PDE5A: variants seen among roughly 807,000 people sequenced by gnomAD.
The protein encoded by PDE5A is cGMP-specific 3',5'-cyclic phosphodiesterase.
In PDE5A, 67 loss-of-function variants were observed where a neutral mutation model predicts 110.2. The ratio of observed to expected loss-of-function variants is 0.61; its 90% confidence interval spans 0.50 to 0.75. The LOEUF (loss-of-function observed/expected upper bound fraction) is 0.75, where lower values mean the gene tolerates loss of function less well. Ranked by LOEUF, PDE5A falls within the 30% of genes least tolerant of loss-of-function variation. PDE5A has a pLI of 0.00. For synonymous variants in PDE5A, 328 were observed against 351.2 expected (o/e 0.93, Z 0.74); for missense variants, 862 against 1,045.1 (o/e 0.82, Z 2.42).
At position 119,627,060 on chromosome 4, in the gene PDE5A, T is replaced by C. The variant is rs2110572920; in HGVS notation, c.152+1460A>G. On this transcript the variant is annotated intron_variant, in intron 1 of 20. Transcript: ENST00000354960. This position sits in a 1 kb window ranked among gnomAD's most constrained non-coding sequence, Gnocchi z 4.6. The stretch of plus-strand genomic sequence containing the variant: ...TTTCAATGATACATCGTCCCACTGG[T>C]GCCACCGGGGCGCCACCACCCAGCA... 2.8e-6 allele frequency: 4 copies of C among 1,450,930 alleles called. No homozygotes were observed. Among genetic ancestry groups the C allele is most frequent in the East Asian group, 2.4e-5 (1 of 42,232 alleles). 89.9% of individuals were successfully genotyped at this position (1,450,930 alleles called of 1,614,324 possible).
chr4:119,594,445 C>T (rs759244629), intron 3 of PDE5A, among the ~76,000 whole-genome samples: 1 of 151,246 alleles, frequency 6.6e-6, no homozygotes, highest in Non-Finnish European at 1.5e-5. Context: ...TGCACGGAAT[C>T]TTAGTCTGTG....
rs749383969 is a variant in PDE5A, at chr4:119,553,731, G to C, written c.1215C>G (p.Asn405Lys). Residue 405 changes from asparagine (N) to lysine (K), a missense_variant, in exon 8 of 21, where the codon AAC (asparagine) becomes AAG (lysine). Coordinates refer to ENST00000354960, the MANE Select transcript of PDE5A (RefSeq NM_001083.4). Reference protein sequence around the residue: ...SDTLTREHDANKINYMYAQYV... With the variant: ...SDTLTREHDAKKINYMYAQYV... The stretch of plus-strand genomic sequence containing the variant: ...ACTGAGCATACATGTAATTGATTTT[G>C]TTTGCATCATGTTCCCTGTGAAAAT... 2.5e-6 allele frequency: 4 copies of C among 1,573,244 alleles called. No individual in the cohort carries two copies. The highest frequency in any genetic ancestry group is 3.5e-6 in the Non-Finnish European group (4 of 1,143,290).
At chr4:119,542,395 T>G (rs965678767) in intron 10 of PDE5A, 64 bp downstream of exon 10, 1 of 1,471,102 alleles carries the variant, frequency 6.8e-7, no homozygotes, top group African/African-American at 1.4e-5. Flanking sequence ...TGAGTGATTA[T>G]GAGGGAAAGG....
chr4:119,507,685 C>G lies in PDE5A; in HGVS notation c.2108G>C (p.Gly703Ala). The change falls in exon 16 of 21, where the codon GGC becomes GCC. Residue 703 changes from glycine to alanine, a missense_variant. Coordinates refer to ENST00000354960, the MANE Select transcript of PDE5A (RefSeq NM_001083.4). ...LNSPGNQILS[G>A]LSIEEYKTTL... ...GGTCTTATATTCTTCAATGGAGAGG[C>G]CACTGAGAATCTGATTGCCCTTTAT... is the stretch of plus-strand genomic sequence containing the variant. 6.3e-7 allele frequency: 1 copy of G among 1,584,450 alleles called. No individual in the cohort carries two copies. The highest frequency in any genetic ancestry group is 8.5e-7 in the Non-Finnish European group (1 of 1,170,214).
chr4:119,569,335 A>C (rs1302946298), intron 3 of PDE5A, among the ~76,000 whole-genome samples: 1 of 152,146 alleles, frequency 6.6e-6, no homozygotes, highest in African/African-American at 2.4e-5. Flanking sequence ...GTAAGATAGA[A>C]GAAATAAATT....
chr4:119,597,330 A>G (rs1346830192), intron 2 of PDE5A, among the ~76,000 whole-genome samples: 1 of 148,122 alleles, frequency 6.8e-6, no homozygotes, highest in Non-Finnish European at 1.5e-5. Context: ...TTTTTTGTTC[A>G]TTACTGTATT....
chr4:119,577,997 C>T (rs993062469), intron 3 of PDE5A, among the ~76,000 whole-genome samples: 12 of 152,142 alleles, frequency 7.9e-5, no homozygotes, highest in Non-Finnish European at 8.8e-5. Context: ...AGTCTCAGGA[C>T]ACAAAATCGA....
chr4:119,616,403 C>T (rs572665736), intron 1 of PDE5A, among the ~76,000 whole-genome samples: 2 of 152,150 alleles, frequency 1.3e-5, no homozygotes, highest in East Asian at 1.9e-4. Context: ...TCAAATCTTA[C>T]TCTCGAAACT....
chr4:119,597,581 G>A (rs1334530936), intron 2 of PDE5A, among the ~76,000 whole-genome samples: 1 of 152,068 alleles, frequency 6.6e-6, no homozygotes, highest in Non-Finnish European at 1.5e-5. Flanking sequence ...TCCCTTCAAA[G>A]CGATAGCCTT....
intron 6 of PDE5A, among the ~76,000 whole-genome samples, chr4:119,561,840 AAT>A (rs1727755186): frequency 6.6e-6 from 1 of 152,298 alleles, no homozygotes; most frequent in African/African-American, 2.4e-5. Context: ...ACACATCCCA[AAT>A]GGTTGAGATG....
chr4:119,502,111 T>A (rs1438284359), intron 19 of PDE5A, among the ~76,000 whole-genome samples: 1 of 152,108 alleles, frequency 6.6e-6, no homozygotes, highest in Non-Finnish European at 1.5e-5. Flanking sequence ...TCTCCTTCCT[T>A]TCTCTGTCAG....
intron 2 of PDE5A, among the ~76,000 whole-genome samples, chr4:119,599,712 TACACACACACACACAC>T (rs3056797): frequency 2.0e-5 from 3 of 147,240 alleles, no homozygotes; most frequent in Non-Finnish European, 3.0e-5. Context: ...CAAGTGTGTA[TACACACACACACACAC>T]ACACACACAC....
intron 11 of PDE5A, among the ~76,000 whole-genome samples, chr4:119,536,584 A>C (rs1486749805): frequency 6.6e-6 from 1 of 152,202 alleles, no homozygotes; most frequent in Non-Finnish European, 1.5e-5. Flanking sequence ...ATTCCATATG[A>C]GGTTAACTCA....
intron 3 of PDE5A, among the ~76,000 whole-genome samples, chr4:119,590,851 G>A (rs1254499990): frequency 6.6e-6 from 1 of 152,146 alleles, no homozygotes; most frequent in Non-Finnish European, 1.5e-5. Context: ...CAGCTTTCCA[G>A]AGTTGGTACC....
intron 1 of PDE5A, among the ~76,000 whole-genome samples, chr4:119,623,628 T>G (rs1223804626): frequency 3.3e-5 from 5 of 152,202 alleles, no homozygotes; most frequent in Non-Finnish European, 7.3e-5. Context: ...AAATAATACT[T>G]CAGACCAGAG....
At chr4:119,593,596 A>G (rs1055876485) in intron 3 of PDE5A, among the ~76,000 whole-genome samples, 1 of 152,246 alleles carries the variant, frequency 6.6e-6, no homozygotes, top group Admixed American at 6.5e-5. Context: ...GGAGGAGATC[A>G]ACTATGAAGG....
chr4:119,568,836 T>C (rs1474132413), intron 3 of PDE5A, among the ~76,000 whole-genome samples: 2 of 152,174 alleles, frequency 1.3e-5, no homozygotes, highest in African/African-American at 4.8e-5. Context: ...TATACATTGA[T>C]ATGCTATCTG....
intron 1 of PDE5A, among the ~76,000 whole-genome samples, chr4:119,607,943 A>G (rs1032711225): frequency 2.0e-5 from 3 of 152,202 alleles, no homozygotes; most frequent in African/African-American, 7.2e-5. Context: ...GAAAATATAA[A>G]TATGCACATT....
intron 1 of PDE5A, among the ~76,000 whole-genome samples, chr4:119,626,426 C>G (rs1194633361): frequency 6.6e-6 from 1 of 152,060 alleles, no homozygotes; most frequent in Non-Finnish European, 1.5e-5. Flanking sequence ...AAATAGGGAA[C>G]GAAGAAAGGA....
Sources: gnomAD v4.1 joint callset for allele counts (sites outside exome capture counted in the v4.1 genomes callset) on GRCh38, gnomAD v4.1.1 for gene constraint, Gnocchi (gnomAD v3.1) non-coding constraint, MANE v1.5 for transcripts, NCBI Gene and HGNC (gene_info 2026-07-23, HGNC 2026-07-21) for gene names.